FRMD4B: variants seen among roughly 807,000 people sequenced by gnomAD.
FRMD4B encodes the protein FERM domain-containing protein 4B.
Under a neutral mutation model 141.5 loss-of-function variants are expected in FRMD4B, and 74 were observed. The ratio of observed to expected loss-of-function variants is 0.52; its 90% confidence interval spans 0.43 to 0.63. FRMD4B has a LOEUF of 0.63. Among genes scored for constraint, FRMD4B ranks in the 30% least tolerant of loss-of-function variants. The pLI is 0.00. For synonymous variants in FRMD4B, 506 were observed against 467.9 expected (o/e 1.08, Z -1.05); for missense variants, 1,366 against 1,253.4 (o/e 1.09, Z -1.36).
At chr3:69,430,773 G>C (rs1406228787) in intron 2 of FRMD4B, among the ~76,000 whole-genome samples, 2 of 152,202 alleles carry the variant, frequency 1.3e-5, no homozygotes, top group Non-Finnish European at 2.9e-5. Context: ...TTGCGTATCT[G>C]TGCATCCTCT....
intron 1 of FRMD4B, among the ~76,000 whole-genome samples, chr3:69,434,016 T>C (rs1447459985): frequency 6.6e-6 from 1 of 152,168 alleles, no homozygotes; most frequent in Non-Finnish European, 1.5e-5. Flanking sequence ...CTGGAATGAC[T>C]CAGTACATTT....
At chr3:69,446,031 A>G (rs944024925) in intron 1 of FRMD4B, among the ~76,000 whole-genome samples, 2 of 151,996 alleles carry the variant, frequency 1.3e-5, no homozygotes, top group African/African-American at 4.8e-5. Context: ...TGATTTATTT[A>G]TTTATTTATT....
At chr3:69,246,870 A>T (rs1048479709) in intron 7 of FRMD4B, among the ~76,000 whole-genome samples, 1 of 152,332 alleles carries the variant, frequency 6.6e-6, no homozygotes, top group Admixed American at 6.5e-5. Context: ...TAACTCGCCA[A>T]CCTTGATGTC....
At chr3:69,516,409 C>G (rs1377637637) in intron 1 of FRMD4B, among the ~76,000 whole-genome samples, 1 of 151,908 alleles carries the variant, frequency 6.6e-6, no homozygotes, top group Non-Finnish European at 1.5e-5. Context: ...GAAAGAGGGT[C>G]AAAGTCAAAA....
chr3:69,241,455 T>G (rs1210200212), intron 7 of FRMD4B, among the ~76,000 whole-genome samples: 2 of 152,196 alleles, frequency 1.3e-5, no homozygotes, highest in African/African-American at 4.8e-5. Context: ...GAAAATCACT[T>G]CTCAAGAGTT....
chr3:69,188,128 G>T (rs1265929565), intron 18 of FRMD4B, among the ~76,000 whole-genome samples: 1 of 152,008 alleles, frequency 6.6e-6, no homozygotes, highest in African/African-American at 2.4e-5. Flanking sequence ...CACTCTTCTG[G>T]GACCTGAACC....
intron 1 of FRMD4B, among the ~76,000 whole-genome samples, chr3:69,479,823 C>T (rs1379087881): frequency 1.3e-5 from 2 of 152,208 alleles, no homozygotes; most frequent in Non-Finnish European, 2.9e-5. Flanking sequence ...GTTCCATTCA[C>T]CCCGTTACTT....
At position 69,267,589 on chromosome 3, in the gene FRMD4B, GTGTGTGTATATATATATATATATATA is replaced by G. The variant is rs57125246; in HGVS notation, c.502-17516_502-17491del. Among the ~76,000 whole-genome samples, 427 of 101,216 alleles carry G rather than the reference GTGTGTGTATATATATATATATATATA, an allele frequency of 4.2e-3. 47 individuals are homozygous for G. The highest frequency in any genetic ancestry group is 6.7e-3 in the South Asian group (17 of 2,540). 66.4% of individuals were successfully genotyped at this position (101,216 alleles called of 152,430 possible). On this transcript the variant is annotated intron_variant, in intron 5 of 22. Coordinates refer to ENST00000398540, the MANE Select transcript of FRMD4B (RefSeq NM_015123.3). Reference sequence around the variant, plus strand: ...TACATATATATATATGTGTGTGTGTGTGTGTGTATATATATATATATATATATATATATATATATATATATATAGAG... The same window carrying G: ...TACATATATATATATGTGTGTGTGTGTATATATATATATATATATATAGAG...
chr3:69,274,727 C>T (rs1013124797), intron 5 of FRMD4B, among the ~76,000 whole-genome samples: 3 of 152,118 alleles, frequency 2.0e-5, no homozygotes, highest in Admixed American at 6.6e-5. Context: ...CCATGTTGGC[C>T]AGGCTGGTCT....
intron 11 of FRMD4B, chr3:69,200,406 A>C (rs1424357132): frequency 2.0e-6 from 2 of 996,708 alleles, no homozygotes; most frequent in Non-Finnish European, 2.4e-6. Flanking sequence ...TGAGGTTTTC[A>C]TTTCTTTAAA....
chr3:69,405,770 A>AT (rs1404074656), intron 2 of FRMD4B, among the ~76,000 whole-genome samples: 2 of 152,208 alleles, frequency 1.3e-5, no homozygotes, highest in African/African-American at 4.8e-5. Flanking sequence ...CAGAAATTAA[A>AT]TGAGCCATGA....
intron 5 of FRMD4B, 105 bp from the exon 6 acceptor site, chr3:69,250,204 C>T (rs1193903028): frequency 7.4e-6 from 6 of 806,608 alleles, no homozygotes; most frequent in Non-Finnish European, 1.3e-5. Context: ...CTCCAGTTTA[C>T]GATCAAATGC....
chr3:69,254,417 C>T (rs1004659674), intron 5 of FRMD4B, among the ~76,000 whole-genome samples: 1 of 152,136 alleles, frequency 6.6e-6, no homozygotes, highest in Non-Finnish European at 1.5e-5. Flanking sequence ...CCAAAACCCA[C>T]AACTTTTGAG....
At chr3:69,236,590 C>T (rs901133159) in intron 7 of FRMD4B, among the ~76,000 whole-genome samples, 6 of 152,226 alleles carry the variant, frequency 3.9e-5, no homozygotes, top group East Asian at 1.9e-4. Flanking sequence ...CAGTCATTTT[C>T]GGCAGAACCT....
intron 4 of FRMD4B, among the ~76,000 whole-genome samples, chr3:69,300,435 C>T (rs1325455399): frequency 6.6e-6 from 1 of 152,194 alleles, no homozygotes; most frequent in Non-Finnish European, 1.5e-5. Flanking sequence ...TGCTGAAACT[C>T]ATGAACAAGC....
intron 6 of FRMD4B, 32 bp from the exon 7 acceptor site, chr3:69,249,280 A>G (rs1454016389): frequency 2.0e-6 from 3 of 1,465,280 alleles, no homozygotes; most frequent in Non-Finnish European, 2.8e-6. Context: ...AGAGTTGATC[A>G]ATATGTATCT....
intron 5 of FRMD4B, among the ~76,000 whole-genome samples, chr3:69,262,775 G>T (rs1235998039): frequency 6.6e-6 from 1 of 151,862 alleles, no homozygotes; most frequent in African/African-American, 2.4e-5. Context: ...ATAAGTAAAT[G>T]AAGTATATTC....
At chr3:69,521,892 G>A (rs1184815595) in intron 1 of FRMD4B, among the ~76,000 whole-genome samples, 2 of 152,118 alleles carry the variant, frequency 1.3e-5, no homozygotes, top group African/African-American at 4.8e-5. Flanking sequence ...TCCCCACGTT[G>A]CACCCTCTTG....
intron 4 of FRMD4B, among the ~76,000 whole-genome samples, chr3:69,289,851 T>C (rs1700814848): frequency 6.6e-6 from 1 of 152,112 alleles, no homozygotes; most frequent in Non-Finnish European, 1.5e-5. Flanking sequence ...AGCCAATCAC[T>C]GATCAATGTT....
Sources: allele counts gnomAD v4.1 joint callset (sites outside exome capture counted in the v4.1 genomes callset), GRCh38; gene constraint gnomAD v4.1.1; transcripts MANE v1.5; gene names NCBI Gene and HGNC (gene_info 2026-07-23, HGNC 2026-07-21).